The following CCSER1 variants were observed in gnomAD, a reference collection of about 807,000 sequenced individuals.
CCSER1 encodes the protein serine-rich coiled-coil domain-containing protein 1.
Under a neutral mutation model 82.0 loss-of-function variants are expected in CCSER1, and 41 were observed. The ratio of observed to expected loss-of-function variants is 0.50; its 90% CI spans 0.39 to 0.65. The LOEUF (loss-of-function observed/expected upper bound fraction) is 0.65, where lower values mean the gene tolerates loss of function less well. Among genes scored for constraint, CCSER1 ranks in the 30% least tolerant of loss-of-function variants. The pLI is 0.00. For missense variants in CCSER1, 1,119 were observed against 1,064.2 expected (o/e 1.05, Z -0.72); for synonymous variants, 414 against 383.9 (o/e 1.08, Z -0.92).
In CCSER1 at chr4:90,665,617, G is replaced by A. The variant is rs529787949; in HGVS notation, c.1932+37385G>A. On this transcript the variant is annotated intron_variant, in intron 6 of 10. Transcript: ENST00000509176. ...ATTACAGGTATAAGCCAGCGCCTCC[G>A]GCCATATGCTGAGATTTGAGGGGTA... Among the ~76,000 whole-genome samples, 6 of 152,200 alleles carry A rather than the reference G, an allele frequency of 3.9e-5. No individual in the cohort carries two copies. The East Asian group carries it at 9.7e-4, about 25-fold the overall frequency.
At chr4:91,266,427 A>C (rs1741589203) in intron 10 of CCSER1, among the ~76,000 whole-genome samples, 1 of 151,516 alleles carries the variant, frequency 6.6e-6, no homozygotes, top group South Asian at 2.1e-4. Context: ...AATTTTTTGT[A>C]TTTTTAGTAG....
intron 4 of CCSER1, among the ~76,000 whole-genome samples, chr4:90,467,323 G>A (rs1455048762): frequency 6.6e-6 from 1 of 152,022 alleles, no homozygotes. Context: ...GGCAGAGGTT[G>A]TGTTGAGCTG....
rs574874530 is a variant in CCSER1, at chr4:90,309,249, G to A, written c.965G>A (p.Gly322Glu). The A allele has an allele frequency of 6.2e-7, 1 of 1,613,840 alleles. No individual in the cohort carries two copies. The highest frequency in any genetic ancestry group is 1.1e-5 in the South Asian group (1 of 91,076). ...GTVPCAIMSP[G>E]KYRLEGQCST... ...GTTCCCTGTGCAATTATGTCTCCTG[G>A]GAAATATAGGTTAGAGGGTCAATGT... Residue 322 changes from glycine (G) to glutamate (E), a missense_variant, in exon 2 of 11, where the codon GGG (glycine) becomes GAG (glutamate). By Grantham distance (98) the Gly-to-Glu change is moderately conservative (BLOSUM62 -2). Transcript: ENST00000509176.
chr4:91,516,819 A>G (rs1219869271), intron 10 of CCSER1, among the ~76,000 whole-genome samples: 1 of 152,094 alleles, frequency 6.6e-6, no homozygotes, highest in Non-Finnish European at 1.5e-5. Context: ...TACAATATTG[A>G]TTCTTCCTAT....
At chr4:90,555,461 G>A (rs1468474999) in intron 5 of CCSER1, among the ~76,000 whole-genome samples, 3 of 152,066 alleles carry the variant, frequency 2.0e-5, no homozygotes, top group Non-Finnish European at 4.4e-5. Flanking sequence ...AGAATGTAAA[G>A]TTCATTATTT....
Position 90,184,450 on chromosome 4 carries a change from A to T in CCSER1, c.-42+56619A>T, listed in dbSNP as rs569393289. Among the ~76,000 whole-genome samples the T allele has an allele frequency of 3.3e-5, 5 of 152,232 alleles. No individual in the cohort carries two copies. In the South Asian group the frequency reaches 1.0e-3, roughly 32 times the overall value. ...AGAGAGTTGTACCTAGGTGTCCATT[A>T]AAAAATATTGCTGGAGCATGGAGGG... On this transcript the variant is annotated intron_variant, in intron 1 of 10. Transcript: ENST00000509176.
At chr4:91,382,839 G>A (rs6837304) in intron 10 of CCSER1, among the ~76,000 whole-genome samples, 113,612 of 151,816 alleles carry the variant, frequency 0.75, 42,791 homozygotes, top group East Asian at 0.86. Flanking sequence ...CTATTTGGCC[G>A]TCTTGGAATT....
intron 10 of CCSER1, among the ~76,000 whole-genome samples, chr4:91,110,182 G>C (rs569155094): frequency 6.6e-6 from 1 of 151,680 alleles, no homozygotes; most frequent in South Asian, 2.1e-4. Flanking sequence ...TTATATTCTA[G>C]AAAAATGGAA....
chr4:90,244,385 T>C (rs957108624), intron 1 of CCSER1, among the ~76,000 whole-genome samples: 4 of 152,166 alleles, frequency 2.6e-5, no homozygotes, highest in African/African-American at 9.7e-5. Context: ...ATTAGAAACA[T>C]TTATCAATTG....
At chr4:90,553,632 T>C (rs1777780176) in intron 5 of CCSER1, among the ~76,000 whole-genome samples, 1 of 152,190 alleles carries the variant, frequency 6.6e-6, no homozygotes, top group Non-Finnish European at 1.5e-5. Context: ...TAACTACAAA[T>C]GTGGGAAATA....
chr4:91,055,430 A>C (rs1208698386), intron 9 of CCSER1, among the ~76,000 whole-genome samples: 1 of 152,124 alleles, frequency 6.6e-6, no homozygotes, highest in African/African-American at 2.4e-5. Context: ...CTTGGCTTAC[A>C]GGTCTTGTTT....
At position 90,158,297 on chromosome 4, in the gene CCSER1, C is replaced by T. The variant is rs1728704808; in HGVS notation, c.-42+30466C>T. On this transcript the variant is annotated intron_variant, in intron 1 of 10. Transcript: ENST00000509176. ...TCAGTCTACCCCTACTGGGGGGTGC[C>T]TCCCAGTTAGGCTGCTCGGGGGTCA... Among the ~76,000 whole-genome samples the T allele has an allele frequency of 2.0e-5, 3 of 152,184 alleles. No homozygotes were observed. In the South Asian group the frequency reaches 6.2e-4, roughly 32 times the overall value.
intron 4 of CCSER1, among the ~76,000 whole-genome samples, chr4:90,430,470 G>A (rs1028765584): frequency 3.3e-5 from 5 of 151,826 alleles, no homozygotes; most frequent in African/African-American, 1.2e-4. Flanking sequence ...AATCCATATT[G>A]TCTTAGTACT....
chr4:91,281,494 A>C (rs1207453210), intron 10 of CCSER1, among the ~76,000 whole-genome samples: 1 of 152,222 alleles, frequency 6.6e-6, no homozygotes, highest in Non-Finnish European at 1.5e-5. Flanking sequence ...TAATTGATAC[A>C]GAAGTAGGTA....
chr4:91,281,672 G>A (rs1206149691), intron 10 of CCSER1, among the ~76,000 whole-genome samples: 2 of 152,092 alleles, frequency 1.3e-5, no homozygotes, highest in African/African-American at 4.8e-5. Context: ...TAGCTATTCT[G>A]GACTTACTTA....
intron 10 of CCSER1, among the ~76,000 whole-genome samples, chr4:91,325,670 C>T (rs191942507): frequency 1.5e-4 from 23 of 152,286 alleles, no homozygotes; most frequent in Middle Eastern, 6.8e-3. Flanking sequence ...CGGCACAAAG[C>T]TTCCCAGACT....
At chr4:90,741,867 C>G (rs1746610946) in intron 7 of CCSER1, among the ~76,000 whole-genome samples, 1 of 152,116 alleles carries the variant, frequency 6.6e-6, no homozygotes, top group South Asian at 2.1e-4. Flanking sequence ...GGCAATAGTT[C>G]CATCTGTTGT....
intron 6 of CCSER1, among the ~76,000 whole-genome samples, chr4:90,703,355 T>C (rs1738568530): frequency 6.6e-6 from 1 of 152,212 alleles, no homozygotes; most frequent in Non-Finnish European, 1.5e-5. Context: ...TTATAATTTC[T>C]GTTCTTTTCC....
intron 9 of CCSER1, among the ~76,000 whole-genome samples, chr4:91,079,905 A>G (rs181550339): frequency 6.6e-6 from 1 of 152,350 alleles, no homozygotes; most frequent in East Asian, 1.9e-4. Flanking sequence ...AGGAGCACCC[A>G]GATTCATGAA....
Sources: gnomAD v4.1 joint callset for allele counts (sites outside exome capture counted in the v4.1 genomes callset) on GRCh38, gnomAD v4.1.1 for gene constraint, MANE v1.5 for transcripts, NCBI Gene and HGNC (gene_info 2026-07-23, HGNC 2026-07-21) for gene names.